Variants in UGGT2 observed in about 807,000 individuals in gnomAD.
UGGT2 encodes UDP-glucose:glycoprotein glucosyltransferase 2.
A neutral mutation model predicts 192.1 loss-of-function variants in UGGT2; 180 were observed. That is an observed-to-expected ratio of 0.94 (90% CI 0.83 to 1.06). UGGT2 has a LOEUF of 1.06. Among genes scored for constraint, UGGT2 ranks in the 50% least tolerant of loss-of-function variants. The pLI is 0.00. For missense variants in UGGT2, 1,849 were observed against 1,795.7 expected, an observed-to-expected ratio of 1.03 and a Z score of -0.54; for synonymous variants, 580 against 591.0, an observed-to-expected ratio of 0.98 and a Z score of 0.27.
chr13:95,891,217 C>T (rs2047792233), intron 24 of UGGT2, among the ~76,000 whole-genome samples: 1 of 151,978 alleles, frequency 6.6e-6, no homozygotes, highest in Admixed American at 6.6e-5. Flanking sequence ...AGAATGATCC[C>T]ATTAGTGTAA....
intron 26 of UGGT2, among the ~76,000 whole-genome samples, chr13:95,887,048 C>CA (rs1245738573): frequency 6.7e-6 from 1 of 150,348 alleles, no homozygotes; most frequent in Admixed American, 6.6e-5. Context: ...AACCTGTCTC[C>CA]AAAAAAAATA....
At chr13:95,948,903 G>A (rs1206982957) in intron 13 of UGGT2, among the ~76,000 whole-genome samples, 1 of 152,114 alleles carries the variant, frequency 6.6e-6, no homozygotes, top group Non-Finnish European at 1.5e-5. Flanking sequence ...TTAAATCATG[G>A]AGGCAGTTGC....
chr13:95,972,559 C>T (rs768615776), intron 11 of UGGT2, 21 bp downstream of exon 11: 7 of 1,545,988 alleles, frequency 4.5e-6, no homozygotes, highest in Non-Finnish European at 4.4e-6. Flanking sequence ...AGTTCATTTA[C>T]AGCAATAATT....
intron 5 of UGGT2, among the ~76,000 whole-genome samples, chr13:96,006,348 G>C (rs1164299672): frequency 6.6e-6 from 1 of 152,136 alleles, no homozygotes; most frequent in Non-Finnish European, 1.5e-5. Context: ...TGGCTGGCTG[G>C]GTGCAGTGGC....
chr13:95,863,363 A>T, intron 31 of UGGT2: 1 of 290,270 alleles, frequency 3.4e-6, no homozygotes, highest in Non-Finnish European at 6.4e-6. Flanking sequence ...GATCTTTGCC[A>T]CACACTTCTT....
At chr13:95,818,195 C>T (rs1241046645) in intron 38 of UGGT2, among the ~76,000 whole-genome samples, 2 of 152,088 alleles carry the variant, frequency 1.3e-5, no homozygotes, top group Non-Finnish European at 2.9e-5. Flanking sequence ...CGCCTGTAGT[C>T]CCAGCTACTC....
chr13:95,887,929 T>A lies in UGGT2; in HGVS notation c.3001A>T (p.Asn1001Tyr). The A allele has an allele frequency of 6.2e-7, 1 of 1,604,258 alleles. No individual in the cohort carries two copies. The highest frequency in any genetic ancestry group is 8.5e-7 in the Non-Finnish European group (1 of 1,174,798). ...IINMKIKLFM[N>Y]CRGRLSEAPL... The stretch of plus-strand genomic sequence containing the variant: ...GCTTCTGAAAGCCTGCCCCTACAGT[T>A]CATGAACAACTTTATCTTCATGTTG... Residue 1001 changes from asparagine (N) to tyrosine (Y), a missense_variant, in exon 26 of 39, where the codon AAC (asparagine) becomes TAC (tyrosine). Coordinates refer to ENST00000376747, the MANE Select transcript of UGGT2 (RefSeq NM_020121.4).
chr13:95,911,977 A>G (rs2048514511), intron 20 of UGGT2, among the ~76,000 whole-genome samples: 1 of 152,052 alleles, frequency 6.6e-6, no homozygotes, highest in Non-Finnish European at 1.5e-5. Context: ...CAGAATCAAC[A>G]ACAAAAACCA....
chr13:95,948,863 G>A (rs1297551063), intron 13 of UGGT2, among the ~76,000 whole-genome samples: 2 of 152,202 alleles, frequency 1.3e-5, no homozygotes, highest in East Asian at 3.8e-4. Context: ...TAATCCCCAT[G>A]TGCCGTAGGA....
rs146304741 is a variant in UGGT2 at position 95,808,866 on chromosome 13, C to T, written c.4529-7054G>A. On this transcript the variant is annotated intron_variant, in intron 38 of 38. Coordinates refer to ENST00000376747, the MANE Select transcript of UGGT2 (RefSeq NM_020121.4). ...CACACAATTCAGACAGGGAAATCCACGAATATGGAGTGGTTTTCTTTAGGA... is the reference window on the plus strand; with the variant it reads ...CACACAATTCAGACAGGGAAATCCATGAATATGGAGTGGTTTTCTTTAGGA... Among the ~76,000 whole-genome samples the T allele has an allele frequency of 3.4e-3, 517 of 152,166 alleles. 13 individuals are homozygous for T. Among genetic ancestry groups the T allele is most frequent in the Non-Finnish European group, 4.3e-4 (29 of 68,000 alleles).
chr13:95,904,342 G>C (rs1304266379), intron 20 of UGGT2, among the ~76,000 whole-genome samples: 2 of 151,480 alleles, frequency 1.3e-5, no homozygotes. Context: ...TGTGCACATT[G>C]TGCAGGTTAG....
At chr13:95,908,038 G>A (rs749513266) in intron 20 of UGGT2, among the ~76,000 whole-genome samples, 2 of 152,172 alleles carry the variant, frequency 1.3e-5, no homozygotes, top group Non-Finnish European at 2.9e-5. Context: ...AATAAACAGT[G>A]TAGAGAAGAC....
In UGGT2 at chr13:96,023,145, G is replaced by T; in HGVS notation, c.380C>A (p.Ala127Asp). 6.4e-7 allele frequency: 1 copy of T among 1,574,132 alleles called. No individual in the cohort carries two copies. Among genetic ancestry groups the T allele is most frequent in the Non-Finnish European group, 8.6e-7 (1 of 1,158,942 alleles). The change falls in exon 4 of 39, where the codon GCT becomes GAT. Residue 127 changes from alanine to aspartate, a missense_variant. Physicochemically the swap from Ala to Asp is moderately radical, Grantham distance 126. Coordinates refer to ENST00000376747, the MANE Select transcript of UGGT2 (RefSeq NM_020121.4). ...PAIQMFQQIA[A>D]DEPPPDGCNA... ...ACAACCATCTGGTGGTGGCTCATCAGCTGCAATCTAAGATTTCAAAGATTA... is the reference window on the plus strand; with the variant it reads ...ACAACCATCTGGTGGTGGCTCATCATCTGCAATCTAAGATTTCAAAGATTA...
At chr13:95,953,771 A>G (rs1430514030) in intron 12 of UGGT2, among the ~76,000 whole-genome samples, 3 of 152,176 alleles carry the variant, frequency 2.0e-5, no homozygotes, top group Non-Finnish European at 4.4e-5. Context: ...CATTTGGAGA[A>G]AAAAGAATCA....
chr13:95,982,300 C>T (rs1424140427), intron 10 of UGGT2, among the ~76,000 whole-genome samples: 1 of 152,200 alleles, frequency 6.6e-6, no homozygotes, highest in South Asian at 2.1e-4. Flanking sequence ...GAGCTGCAGA[C>T]ACAGGCAAGC....
intron 30 of UGGT2, among the ~76,000 whole-genome samples, chr13:95,865,571 G>A (rs1329255946): frequency 6.6e-6 from 1 of 152,196 alleles, no homozygotes; most frequent in Non-Finnish European, 1.5e-5. Context: ...GGCTGAGGCA[G>A]AAAGATCACT....
chr13:95,832,019 AGAAAACTTTTTTTTTTTAAAG>A (rs1401508583), intron 38 of UGGT2, among the ~76,000 whole-genome samples: 7 of 150,840 alleles, frequency 4.6e-5, no homozygotes, highest in South Asian at 2.1e-4. Context: ...GAACACACCA[AGAAAACTTTTTTTTTTTAAAG>A]GAAAACTTTT....
chr13:95,868,884 T>G (rs1157160595), intron 29 of UGGT2, among the ~76,000 whole-genome samples: 7 of 147,994 alleles, frequency 4.7e-5, no homozygotes, highest in Non-Finnish European at 1.1e-4. Flanking sequence ...TCAGGCACTG[T>G]TTTTTTTTTA....
At chr13:95,887,012 G>A (rs2047664016) in intron 26 of UGGT2, among the ~76,000 whole-genome samples, 1 of 152,014 alleles carries the variant, frequency 6.6e-6, no homozygotes, top group Non-Finnish European at 1.5e-5. Context: ...CTGTGATGGT[G>A]CCCCAGCCTG....
Sources: allele counts gnomAD v4.1 joint callset (sites outside exome capture counted in the v4.1 genomes callset), GRCh38; gene constraint gnomAD v4.1.1; transcripts MANE v1.5; gene names NCBI Gene and HGNC (gene_info 2026-07-23, HGNC 2026-07-21).